Variants in CLASP2 observed in about 807,000 individuals in gnomAD.
The protein encoded by CLASP2 is cytoplasmic linker associated protein 2.
Under a neutral mutation model 194.4 loss-of-function variants are expected in CLASP2, and 47 were observed. The ratio of observed to expected loss-of-function variants is 0.24; its 90% CI spans 0.19 to 0.31. The LOEUF is 0.31. Among genes scored for constraint, CLASP2 ranks in the 10% least tolerant of loss-of-function variants. The pLI, the probability that CLASP2 is intolerant of heterozygous loss-of-function variation, is 1.00. For missense variants in CLASP2, 1,445 were observed against 1,823.6 expected (o/e 0.79, Z 3.78); for synonymous variants, 619 against 633.5 (o/e 0.98, Z 0.34).
intron 25 of CLASP2, among the ~76,000 whole-genome samples, chr3:33,571,255 C>T (rs1407433739): frequency 2.7e-5 from 4 of 150,814 alleles, no homozygotes; most frequent in Admixed American, 6.6e-5. Flanking sequence ...CCTCATGATC[C>T]GCCCGCCTCA....
chr3:33,532,447 G>A (rs890491072), intron 34 of CLASP2, among the ~76,000 whole-genome samples: 1 of 152,062 alleles, frequency 6.6e-6, no homozygotes, highest in African/African-American at 2.4e-5. Flanking sequence ...TGAGATGGAT[G>A]GTCTTGATGG....
chr3:33,510,532 A>G lies in CLASP2; in HGVS notation c.4317+26T>C, dbSNP rs367903583. ...CTGTATCCCAAATGTATCATGGCTT[A>G]TTCCTCTCCAAGCTTTGTTGCTTAC... On this transcript the variant is annotated intron_variant, in intron 37 of 38. Coordinates refer to ENST00000682230, the MANE Select transcript of CLASP2 (RefSeq NM_001365631.1). 4 of 1,600,194 alleles carry G rather than the reference A, an allele frequency of 2.5e-6. No individual in the cohort carries two copies. In the African/African-American group the frequency reaches 5.4e-5, roughly 21 times the overall value.
chr3:33,677,604 A>G (rs1454706827), intron 6 of CLASP2, among the ~76,000 whole-genome samples: 8 of 150,306 alleles, frequency 5.3e-5, no homozygotes, highest in Non-Finnish European at 1.0e-4. Flanking sequence ...ACCTAATGCT[A>G]GATGACGAGT....
At chr3:33,570,930 T>C in intron 25 of CLASP2, 140 bp from the exon 26 acceptor site, 5 of 712,116 alleles carry the variant, frequency 7.0e-6, no homozygotes, top group South Asian at 2.5e-5. Context: ...AATCCTAGCA[T>C]TTTGGGAGGC....
intron 18 of CLASP2, among the ~76,000 whole-genome samples, chr3:33,602,154 C>T (rs1007026383): frequency 6.6e-6 from 1 of 151,942 alleles, no homozygotes; most frequent in African/African-American, 2.4e-5. Flanking sequence ...GCTGGGATTA[C>T]AGGCATGAGC....
intron 24 of CLASP2, 104 bp from the exon 25 acceptor site, chr3:33,573,458 G>T: frequency 9.1e-7 from 1 of 1,102,296 alleles, no homozygotes; most frequent in Non-Finnish European, 1.3e-6. Flanking sequence ...TAAAATCAGT[G>T]CAAAGCATGC....
intron 6 of CLASP2, among the ~76,000 whole-genome samples, chr3:33,682,344 G>A (rs1269746238): frequency 6.6e-6 from 1 of 152,138 alleles, no homozygotes; most frequent in African/African-American, 2.4e-5. Flanking sequence ...CAAGTGAAAT[G>A]TTATAACTTG....
At chr3:33,665,354 TA>T (rs1281758521) in intron 6 of CLASP2, among the ~76,000 whole-genome samples, 1 of 151,668 alleles carries the variant, frequency 6.6e-6, no homozygotes, top group Non-Finnish European at 1.5e-5. Flanking sequence ...TAGGCAAATA[TA>T]ATACGAATAT....
intron 32 of CLASP2, 46 bp downstream of exon 32, chr3:33,543,387 G>A: frequency 1.6e-6 from 2 of 1,272,978 alleles, no homozygotes; most frequent in South Asian, 2.4e-5. Flanking sequence ...AGAAAGAATG[G>A]GAATTTACAA....
At position 33,498,547 on chromosome 3, in the gene CLASP2, T is replaced by C; in HGVS notation, c.*84A>G. The C allele has an allele frequency of 2.4e-6, 2 of 827,410 alleles. No individual in the cohort carries two copies. The highest frequency in any genetic ancestry group is 1.6e-5 in the South Asian group (1 of 61,182). 51.3% of individuals were successfully genotyped at this position (827,410 alleles called of 1,614,324 possible). On this transcript the variant is annotated 3_prime_UTR_variant, in exon 39 of 39. Transcript: ENST00000682230. ...GGAAACAATAGTAAGTTCCAAAGGA[T>C]GTGTTTGAGAACTTCCTTTCATTGA...
intron 6 of CLASP2, among the ~76,000 whole-genome samples, chr3:33,669,514 T>C (rs371879886): frequency 9.2e-5 from 14 of 151,854 alleles, no homozygotes; most frequent in East Asian, 3.9e-4. Context: ...GCATATAGCA[T>C]TGACAATGGC....
chr3:33,572,456 G>T (rs541646151), intron 25 of CLASP2, among the ~76,000 whole-genome samples: 1 of 152,276 alleles, frequency 6.6e-6, no homozygotes, highest in East Asian at 1.9e-4. Context: ...AAGTCAGGAA[G>T]TAACCCTGCA....
chr3:33,650,152 T>C (rs2154318022), intron 7 of CLASP2, among the ~76,000 whole-genome samples: 1 of 152,248 alleles, frequency 6.6e-6, no homozygotes, highest in Admixed American at 6.5e-5. Context: ...TTATAAAAAG[T>C]GACATAGATT....
intron 2 of CLASP2, among the ~76,000 whole-genome samples, chr3:33,694,716 A>T (rs142946814): frequency 9.7e-4 from 148 of 152,314 alleles, no homozygotes; most frequent in Non-Finnish European, 1.6e-3. Flanking sequence ...CAATTTCTTG[A>T]GACAAGCCAG....
At chr3:33,623,665 C>G (rs1008240104) in intron 10 of CLASP2, among the ~76,000 whole-genome samples, 57 of 151,972 alleles carry the variant, frequency 3.8e-4, no homozygotes, top group African/African-American at 1.2e-3. Flanking sequence ...TTTCTTTATC[C>G]ATTTATTCAC....
intron 29 of CLASP2, among the ~76,000 whole-genome samples, chr3:33,552,435 T>C (rs2060181215): frequency 6.6e-6 from 1 of 152,192 alleles, no homozygotes; most frequent in Non-Finnish European, 1.5e-5. Flanking sequence ...CAGTAATTCT[T>C]GATGTGTAGG....
rs545559846 is a variant in CLASP2 at position 33,684,321 on chromosome 3, T to TG, written c.644+37dup. 8.9e-4 allele frequency: 954 copies of TG among 1,069,710 alleles called. 1 individual carries two copies. Among genetic ancestry groups the TG allele is most frequent in the Non-Finnish European group, 1.1e-3 (826 of 725,578 alleles). The allele number at this position is 1,069,710 out of a possible 1,614,324, so 66.3% of individuals were successfully genotyped here. On this transcript the variant is annotated intron_variant, in intron 6 of 38. Transcript: ENST00000682230. The stretch of plus-strand genomic sequence containing the variant: ...AAATGAAAACTTTTAAAACTAGTGG[T>TG]GAAAAAAAAAAAAAGAACCAAATTT...
chr3:33,534,822 A>G (rs2057032221), intron 34 of CLASP2, among the ~76,000 whole-genome samples: 1 of 152,208 alleles, frequency 6.6e-6, no homozygotes, highest in Non-Finnish European at 1.5e-5. Context: ...TCGTCCTTGA[A>G]ATGTATTTTA....
intron 2 of CLASP2, 39 bp downstream of exon 2, chr3:33,696,816 A>T: frequency 1.6e-6 from 2 of 1,289,132 alleles, no homozygotes; most frequent in Non-Finnish European, 2.2e-6. Flanking sequence ...CATCATGTCA[A>T]ATCTTATTTA....
Sources: allele counts gnomAD v4.1 joint callset (sites outside exome capture counted in the v4.1 genomes callset), GRCh38; gene constraint gnomAD v4.1.1; transcripts MANE v1.5; gene names NCBI Gene and HGNC (gene_info 2026-07-23, HGNC 2026-07-21).